The following CGN variants were observed in gnomAD, a reference collection of about 807,000 sequenced individuals.
The protein encoded by CGN is cingulin.
In CGN, 121 loss-of-function variants were observed where a neutral mutation model predicts 157.1. The observed-to-expected ratio is 0.77, with a 90% CI of 0.66 to 0.90. The LOEUF (loss-of-function observed/expected upper bound fraction) is 0.90. Among genes scored for constraint, CGN ranks in the 40% least tolerant of loss-of-function variants. The probability of loss-of-function intolerance (pLI) is 0.00; values close to 1 mark genes in which losing one functional copy is unlikely to be tolerated. For missense variants in CGN, 1,424 were observed against 1,520.9 expected (o/e 0.94, Z 1.06); for synonymous variants, 535 against 607.5 (o/e 0.88, Z 1.76).
At position 151,524,848 on chromosome 1, in the gene CGN, A is replaced by G. The variant is rs1329456777; in HGVS notation, c.1576A>G (p.Thr526Ala). Residue 526 changes from threonine to alanine, a missense_variant, in exon 8 of 21, where the codon ACA becomes GCA. Around this residue, in one of 3 missense-constraint regions of CGN, gnomAD observed 1,187 missense variants for 1,217.6 expected, o/e 0.97. Transcript: ENST00000271636. The surrounding 1 kb of genome is among the most constrained non-coding windows in gnomAD (Gnocchi z 4.4). The stretch of plus-strand genomic sequence containing the variant: ...TGTCCGGCAGCAGTACCAGCGAGAC[A>G]CAGAGCAGCTCCGCAGGAGCATGCA... ...EHVRQQYQRD[T>A]EQLRRSMQDA... 1 of 1,612,140 alleles carries G rather than the reference A, an allele frequency of 6.2e-7. No homozygotes were observed. Among genetic ancestry groups the G allele is most frequent in the Non-Finnish European group, 8.5e-7 (1 of 1,179,958 alleles).
At chr1:151,534,760 A>G (rs1664918120) in intron 15 of CGN, 3 of 372,674 alleles carry the variant, frequency 8.0e-6, no homozygotes, top group African/African-American at 6.2e-5. Context: ...CTCTTTTCCC[A>G]TTAGAGAAAT....
intron 14 of CGN, 95 bp downstream of exon 14, chr1:151,532,667 T>G: frequency 1.0e-6 from 1 of 1,001,830 alleles, no homozygotes; most frequent in South Asian, 2.7e-5. Context: ...TCGCCCAGGC[T>G]GGAGTTCAGT....
rs377590702 is a variant in CGN at position 151,526,048 on chromosome 1, T to A, written c.1763+258T>A. 2.3e-4 allele frequency among the ~76,000 whole-genome samples: 35 copies of A among 151,280 alleles called. No homozygotes were observed. The East Asian group carries it at 3.9e-3, about 17-fold the overall frequency. On this transcript the variant is annotated intron_variant, in intron 9 of 20. Transcript: ENST00000271636. ...CCACTACGCCCAGCTAATTTTTGTA[T>A]TTTTAGTAGAGATGAGGTTTTACCA...
At chr1:151,525,540 G>A (rs1360377247) in intron 8 of CGN, 102 bp from the exon 9 acceptor site, 5 of 914,844 alleles carry the variant, frequency 5.5e-6, no homozygotes, top group Non-Finnish European at 7.7e-6. Flanking sequence ...ACCTGGCATG[G>A]TGCCCTCTGG....
At position 151,527,005 on chromosome 1, in the gene CGN, G is replaced by C. The variant is rs1664696746; in HGVS notation, c.1794G>C (p.Glu598Asp). The change falls in exon 10 of 21, where the codon GAG (glutamate) becomes GAC (aspartate). Residue 598 changes from glutamate (E) to aspartate (D), a missense_variant. Physicochemically the swap from Glu to Asp is conservative, Grantham distance 45. Coordinates refer to ENST00000271636, the MANE Select transcript of CGN (RefSeq NM_020770.3). ...TGCAGCTGCGAATGGAGAAGGAGGA[G>C]ATGGAAGAGGAGCTTGGAGAGAAGA... ...ELLQLRMEKE[E>D]MEEELGEKIE... 1 of 1,614,178 alleles carries C rather than the reference G, an allele frequency of 6.2e-7. No individual in the cohort carries two copies. Among genetic ancestry groups the C allele is most frequent in the African/African-American group, 1.3e-5 (1 of 75,050 alleles).
chr1:151,537,219 G>A lies in CGN; in HGVS notation c.3485G>A (p.Arg1162His), dbSNP rs547719136. Residue 1162 changes from arginine to histidine, a missense_variant, in exon 21 of 21, where the codon CGC becomes CAC. Arg to His is a conservative substitution (Grantham distance 29). This residue lies in a region of CGN where 199 missense variants were observed against 272.2 expected (regional missense o/e 0.73). Coordinates refer to ENST00000271636, the MANE Select transcript of CGN (RefSeq NM_020770.3). The stretch of plus-strand genomic sequence containing the variant: ...CTCTGAGTCAGGCGCAAAGCTTCCC[G>A]CTCAGCTGCTGAGTCAGCTCTCAAA... Reference protein sequence around the residue: ...LEKDSWRKASRSAAESALKNE... With the variant: ...LEKDSWRKASHSAAESALKNE... 14 of 1,613,632 alleles carry A rather than the reference G, an allele frequency of 8.7e-6. No homozygotes were observed. The highest frequency in any genetic ancestry group is 4.5e-5 in the East Asian group (2 of 44,872).
At chr1:151,519,818 C>T (rs1258960074) in intron 2 of CGN, among the ~76,000 whole-genome samples, 1 of 152,170 alleles carries the variant, frequency 6.6e-6, no homozygotes, top group Non-Finnish European at 1.5e-5. Flanking sequence ...TTGAGAGAAA[C>T]GTAAGTCTGT....
intron 1 of CGN, among the ~76,000 whole-genome samples, chr1:151,514,506 C>A (rs892306837): frequency 6.6e-6 from 1 of 152,082 alleles, no homozygotes; most frequent in African/African-American, 2.4e-5. Flanking sequence ...TTGTCCTGGG[C>A]AAATCTCCCC....
rs1193011361 is a variant in CGN, at chr1:151,530,601, T to C, written c.2426T>C (p.Leu809Pro). 5 of 1,611,306 alleles carry C rather than the reference T, an allele frequency of 3.1e-6. No homozygotes were observed. The African/African-American group carries it at 6.7e-5, about 22-fold the overall frequency. The change falls in exon 13 of 21, where the codon CTG becomes CCG. Residue 809 changes from leucine to proline, a missense_variant. This residue lies in a region of CGN where 1,187 missense variants were observed against 1,217.6 expected (regional missense o/e 0.97). Transcript: ENST00000271636. ...EARLEEAQRG[L>P]ARLGQEQQTL... ...CGCCTAGAGGAGGCTCAGCGGGGGC[T>C]GGCCCGCCTGGGGCAGGAGCAGCAG...
rs1664698836 is a variant in CGN, at chr1:151,527,046, G to A, written c.1835G>A (p.Arg612Lys). ...GGAGAGAAGATAGAGGTCTTGCAGAGGGAATTAGAGCAGGCCCGAGCTAGT... is the reference window on the plus strand; with the variant it reads ...GGAGAGAAGATAGAGGTCTTGCAGAAGGAATTAGAGCAGGCCCGAGCTAGT... ...ELGEKIEVLQ[R>K]ELEQARASAG... Residue 612 changes from arginine (R) to lysine (K), a missense_variant, in exon 10 of 21, where the codon AGG becomes AAG. Physicochemically the swap from Arg to Lys is conservative, Grantham distance 26. Around this residue, in one of 3 missense-constraint regions of CGN, gnomAD observed 1,187 missense variants for 1,217.6 expected, o/e 0.97. Coordinates refer to ENST00000271636, the MANE Select transcript of CGN (RefSeq NM_020770.3). The A allele has an allele frequency of 6.2e-7, 1 of 1,614,070 alleles. No homozygotes were observed. Among genetic ancestry groups the A allele is most frequent in the Non-Finnish European group, 8.5e-7 (1 of 1,180,046 alleles).
chr1:151,524,904 G>A lies in CGN; in HGVS notation c.1614+18G>A, dbSNP rs773615486. ...CAACCCAGGCATGTGACAAGAGCAG[G>A]GTCTGAGAGAGGAGGGCACTGCTGG... On this transcript the variant is annotated intron_variant, in intron 8 of 20. Transcript: ENST00000271636. The surrounding 1 kb of genome is among the most constrained non-coding windows in gnomAD (Gnocchi z 4.4). The A allele has an allele frequency of 1.9e-6, 3 of 1,600,120 alleles. No homozygotes were observed. In the Admixed American group the frequency reaches 5.1e-5, roughly 27 times the overall value.
chr1:151,530,862 C>A, intron 13 of CGN, 116 bp downstream of exon 13: 2 of 1,111,362 alleles, frequency 1.8e-6, no homozygotes, highest in Non-Finnish European at 2.6e-6. Flanking sequence ...TGATTATGGC[C>A]AGGTGCGGTG....
At position 151,524,736 on chromosome 1, in the gene CGN, G is replaced by A. The variant is rs1295990582; in HGVS notation, c.1464G>A (p.Glu488=). The A allele has an allele frequency of 4.3e-6, 7 of 1,610,898 alleles. No homozygotes were observed. The highest frequency in any genetic ancestry group is 1.1e-5 in the South Asian group (1 of 90,908). The change falls in exon 8 of 21, where the codon GAG becomes GAA. Residue 488 remains glutamate (E), a synonymous_variant. Coordinates refer to ENST00000271636, the MANE Select transcript of CGN (RefSeq NM_020770.3). This position sits in a 1 kb window ranked among gnomAD's most constrained non-coding sequence, Gnocchi z 4.4. ...EVLEGKQRVE[E]QLRLRERELT... The stretch of plus-strand genomic sequence containing the variant: ...TGGAGGGGAAACAGCGAGTAGAGGA[G>A]CAGCTGAGGCTGCGGGAGCGGGAGT...
chr1:151,520,340 C>G, intron 3 of CGN, 74 bp downstream of exon 3: 3 of 1,566,630 alleles, frequency 1.9e-6, no homozygotes, highest in Non-Finnish European at 2.6e-6. Flanking sequence ...CCCATCTTCC[C>G]TGATTTTACC....
rs1330289645 is a variant in CGN at position 151,526,427 on chromosome 1, G to A, written c.1764-548G>A. ...CCTGACTTCGTGATCCTCCCACCTC[G>A]GCCCCCCAAAACGCTGGGATTACAG... is the stretch of plus-strand genomic sequence containing the variant. On this transcript the variant is annotated intron_variant, in intron 9 of 20. Transcript: ENST00000271636. Among the ~76,000 whole-genome samples the A allele has an allele frequency of 4.8e-5, 7 of 146,248 alleles. No individual in the cohort carries two copies. In the South Asian group the frequency reaches 8.8e-4, roughly 18 times the overall value.
chr1:151,530,529 A>G lies in CGN; in HGVS notation c.2354A>G (p.Gln785Arg). 1 of 1,604,456 alleles carries G rather than the reference A, an allele frequency of 6.2e-7. No homozygotes were observed. Among genetic ancestry groups the G allele is most frequent in the South Asian group, 1.1e-5 (1 of 90,124 alleles). ...QQLEEALNAS[Q>R]EEEGSLAAAK... is the part of the protein sequence containing the mutation. ...CTGGAGGAGGCCCTGAATGCGTCCC[A>G]GGAAGAGGAGGGGAGTCTGGCAGCA... The change falls in exon 13 of 21, where the codon CAG becomes CGG. Residue 785 changes from glutamine (Q) to arginine (R), a missense_variant. By Grantham distance (43) the Gln-to-Arg change is conservative (BLOSUM62 1). This residue lies in a region of CGN where 1,187 missense variants were observed against 1,217.6 expected (regional missense o/e 0.97). Coordinates refer to ENST00000271636, the MANE Select transcript of CGN (RefSeq NM_020770.3).
At chr1:151,536,181 G>A in intron 18 of CGN, 56 bp from the exon 19 acceptor site, 1 of 1,157,398 alleles carries the variant, frequency 8.6e-7, no homozygotes, top group Non-Finnish European at 1.3e-6. Flanking sequence ...AGGGGGCCAA[G>A]TTAGGATTCC....
Position 151,524,332 on chromosome 1 carries a change from G to A in CGN, c.1375G>A (p.Glu459Lys). Residue 459 changes from glutamate to lysine, a missense_variant, in exon 7 of 21, where the codon GAG (glutamate) becomes AAG (lysine). Glu to Lys is a moderately conservative substitution (Grantham distance 56). This residue lies in a region of CGN where 1,187 missense variants were observed against 1,217.6 expected (regional missense o/e 0.97). Transcript: ENST00000271636. The surrounding 1 kb of genome is among the most constrained non-coding windows in gnomAD (Gnocchi z 4.4). ...CAAGCTGAAACATGTCCAGGGTCCT[G>A]AGCCTGCTAAGGAGGTGTTACTGAA... ...QNKLKHVQGPEPAKEVLLKDL... is the reference protein window; with the variant it reads ...QNKLKHVQGPKPAKEVLLKDL... 6.2e-7 allele frequency: 1 copy of A among 1,613,966 alleles called. No individual in the cohort carries two copies. Among genetic ancestry groups the A allele is most frequent in the Non-Finnish European group, 8.5e-7 (1 of 1,179,868 alleles).
rs1447075651 is a variant in CGN, at chr1:151,525,657, G to A, written c.1630G>A (p.Glu544Lys). ...QDATQDHAVLEAERQKMSALV... is the reference protein window; with the variant it reads ...QDATQDHAVLKAERQKMSALV... ...CCTTCTCTAGGACCATGCAGTGCTG[G>A]AGGCCGAGAGGCAGAAGATGTCAGC... The change falls in exon 9 of 21, where the codon GAG (glutamate) becomes AAG (lysine). Residue 544 changes from glutamate (E) to lysine (K), a missense_variant. Glu to Lys is a moderately conservative substitution (Grantham distance 56). Transcript: ENST00000271636. 1 of 1,606,124 alleles carries A rather than the reference G, an allele frequency of 6.2e-7. No individual in the cohort carries two copies. Among genetic ancestry groups the A allele is most frequent in the Non-Finnish European group, 8.5e-7 (1 of 1,176,308 alleles).
Sources: gnomAD v4.1 joint callset for allele counts (sites outside exome capture counted in the v4.1 genomes callset) on GRCh38, gnomAD v4.1.1 for gene constraint, gnomAD v4.1.1 regional missense constraint, Gnocchi (gnomAD v3.1) non-coding constraint, MANE v1.5 for transcripts, NCBI Gene and HGNC (gene_info 2026-07-23, HGNC 2026-07-21) for gene names.